ISG20: variants seen among roughly 807,000 people sequenced by gnomAD.
ISG20 encodes interferon-stimulated gene 20 kDa protein.
ISG20 carries 8 observed loss-of-function variants against 11.1 expected under a neutral mutation model. The ratio of observed to expected loss-of-function variants is 0.72; its 90% CI spans 0.42 to 1.30. The LOEUF (loss-of-function observed/expected upper bound fraction) is 1.30, where lower values mean the gene tolerates loss of function less well. Ranked by LOEUF, ISG20 falls within the 50% of genes most tolerant of loss-of-function variation. ISG20 has a pLI of 0.01. For missense variants in ISG20, 243 were observed against 250.2 expected, an observed-to-expected ratio of 0.97 and a Z score of 0.19; for synonymous variants, 110 against 101.7, an observed-to-expected ratio of 1.08 and a Z score of -0.49.
chr15:88,655,465 G>T lies in ISG20; in HGVS notation c.480G>T (p.Glu160Asp). 6.2e-7 allele frequency: 1 copy of T among 1,614,000 alleles called. No homozygotes were observed. Among genetic ancestry groups the T allele is most frequent in the Non-Finnish European group, 8.5e-7 (1 of 1,180,018 alleles). Residue 160 changes from glutamate (E) to aspartate (D), a missense_variant, in exon 4 of 4, where the codon GAG becomes GAT. Physicochemically the swap from Glu to Asp is conservative, Grantham distance 45. Transcript: ENST00000306072. ...SSVEDARATM[E>D]LYQISQRIRA... Reference sequence around the variant, plus strand: ...TGGAAGATGCGAGGGCAACGATGGAGCTCTATCAAATCTCCCAGAGAATCC... The same window carrying T: ...TGGAAGATGCGAGGGCAACGATGGATCTCTATCAAATCTCCCAGAGAATCC...
upstream of ISG20, among the ~76,000 whole-genome samples, chr15:88,637,024 G>C (rs1425033159): frequency 1.3e-5 from 2 of 152,218 alleles, no homozygotes; most frequent in Admixed American, 1.3e-4. Flanking sequence ...GGAAGTGTGG[G>C]AGGTGGGAAT....
Position 88,639,616 on chromosome 15 carries a change from A to T in ISG20, c.228+22A>T. 1 of 1,595,512 alleles carries T rather than the reference A, an allele frequency of 6.3e-7. No homozygotes were observed. Among genetic ancestry groups the T allele is most frequent in the East Asian group, 2.2e-5 (1 of 44,748 alleles). On this transcript the variant is annotated intron_variant, in intron 2 of 3. Coordinates refer to ENST00000306072, the MANE Select transcript of ISG20 (RefSeq NM_002201.6). This position sits in a 1 kb window ranked among gnomAD's most constrained non-coding sequence, Gnocchi z 4.2. ...AGAGGTGAGTGAAGGCCCGGCCAGCAGGGGCTTTGGAAATAACCCCTCTCC... is the reference window on the plus strand; with the variant it reads ...AGAGGTGAGTGAAGGCCCGGCCAGCTGGGGCTTTGGAAATAACCCCTCTCC...
At chr15:88,638,548 C>T (rs1196229991), upstream of ISG20, among the ~76,000 whole-genome samples, 2 of 152,204 alleles carry the variant, frequency 1.3e-5, no homozygotes, top group Non-Finnish European at 1.5e-5. Context: ...TAGCCACTCC[C>T]ACCACAAGTT....
chr15:88,644,567 GAGTC>G (rs1237489528), intron 2 of ISG20, among the ~76,000 whole-genome samples: 3 of 147,758 alleles, frequency 2.0e-5, no homozygotes, highest in African/African-American at 7.5e-5. Context: ...AAAAAAAAAA[GAGTC>G]AGAGGCCCTA....
chr15:88,654,826 C>T (rs921460725), intron 3 of ISG20, among the ~76,000 whole-genome samples: 1 of 152,168 alleles, frequency 6.6e-6, no homozygotes, highest in African/African-American at 2.4e-5. Flanking sequence ...CATAGCACTA[C>T]CCCATAAAGT....
intron 3 of ISG20, among the ~76,000 whole-genome samples, chr15:88,653,853 C>G (rs528076180): frequency 3.9e-4 from 60 of 152,308 alleles, no homozygotes; most frequent in African/African-American, 1.3e-3. Flanking sequence ...AAATAGCAGG[C>G]CTGTGGCTCC....
chr15:88,652,994 G>T (rs1442135750), intron 3 of ISG20, among the ~76,000 whole-genome samples: 1 of 152,006 alleles, frequency 6.6e-6, no homozygotes, highest in Admixed American at 6.5e-5. Flanking sequence ...GGCAAAGCAG[G>T]CAGGAAAAGG....
chr15:88,652,910 T>C (rs947604817), intron 3 of ISG20, among the ~76,000 whole-genome samples: 2 of 151,564 alleles, frequency 1.3e-5, no homozygotes, highest in Admixed American at 1.3e-4. Context: ...ACTGGGATAT[T>C]TGTACACCAG....
intron 2 of ISG20, 59 bp from the exon 3 acceptor site, chr15:88,652,051 C>A: frequency 6.2e-7 from 1 of 1,608,164 alleles, no homozygotes; most frequent in Non-Finnish European, 8.5e-7. Context: ...CTTGCCAGCC[C>A]CAGCCCCACC....
intron 2 of ISG20, among the ~76,000 whole-genome samples, chr15:88,641,742 C>T (rs2058084629): frequency 6.6e-6 from 1 of 152,110 alleles, no homozygotes; most frequent in Non-Finnish European, 1.5e-5. Flanking sequence ...AGTGATTCTC[C>T]TGCCTCAGCC....
upstream of ISG20, chr15:88,639,002 C>A: frequency 3.1e-6 from 1 of 320,744 alleles, no homozygotes; most frequent in Non-Finnish European, 5.9e-6. The surrounding 1 kb of genome is among the most constrained non-coding windows in gnomAD (Gnocchi z 4.2). Flanking sequence ...GATGAGTCAC[C>A]GCTGAGAGCA....
chr15:88,650,211 A>G lies in ISG20; in HGVS notation c.229-1899A>G, dbSNP rs749987209. On this transcript the variant is annotated intron_variant, in intron 2 of 3. Transcript: ENST00000306072. This position sits in a 1 kb window ranked among gnomAD's most constrained non-coding sequence, Gnocchi z 4.0. ...CACGAGCCGCCCCTTTCCCTAATAG[A>G]GCTCACATCTGTTCTATTTTCAGGT... 7 of 1,531,168 alleles carry G rather than the reference A, an allele frequency of 4.6e-6. No homozygotes were observed. The highest frequency in any genetic ancestry group is 6.1e-6 in the Non-Finnish European group (7 of 1,142,874). The allele number at this position is 1,531,168 out of a possible 1,614,324, so 94.8% of individuals were successfully genotyped here. A position where few individuals can be genotyped will look rare whatever the true frequency, so the allele number is the denominator to read the frequency against.
chr15:88,641,926 CTTTTTTTTTTTTTT>C (rs140178121), intron 2 of ISG20, among the ~76,000 whole-genome samples: 6 of 102,850 alleles, frequency 5.8e-5, no homozygotes, highest in South Asian at 3.6e-4. Flanking sequence ...TTAGCTTCCT[CTTTTTTTTTTTTTT>C]TTTTTTTTTT....
At position 88,652,214 on chromosome 15, in the gene ISG20, C is replaced by T. The variant is rs753388065; in HGVS notation, c.333C>T (p.Ser111=). 2.5e-6 allele frequency: 4 copies of T among 1,614,048 alleles called. No individual in the cohort carries two copies. The highest frequency in any genetic ancestry group is 2.2e-5 in the South Asian group (2 of 91,082). ...GCGGCTACACAATCTACGACACGTC[C>T]ACTGACAGGCTGTTGTGGCGTGAGG... is the stretch of plus-strand genomic sequence containing the variant. ...DMSGYTIYDT[S]TDRLLWREAK... Residue 111 remains serine, a synonymous_variant, in exon 3 of 4, where the codon TCC becomes TCT. Coordinates refer to ENST00000306072, the MANE Select transcript of ISG20 (RefSeq NM_002201.6).
In ISG20 at chr15:88,639,661, C is replaced by T; in HGVS notation, c.228+67C>T. ...CTCTCCCACTTCCCTGGCCCCTCTTCCCTGGTGCCCATCTGTGACCTGTGA... is the reference window on the plus strand; with the variant it reads ...CTCTCCCACTTCCCTGGCCCCTCTTTCCTGGTGCCCATCTGTGACCTGTGA... On this transcript the variant is annotated intron_variant, in intron 2 of 3. Transcript: ENST00000306072. The surrounding 1 kb of genome is among the most constrained non-coding windows in gnomAD (Gnocchi z 4.2). 3 of 1,270,616 alleles carry T rather than the reference C, an allele frequency of 2.4e-6. No homozygotes were observed. The highest frequency in any genetic ancestry group is 3.4e-6 in the Non-Finnish European group (3 of 885,704). 78.7% of individuals were successfully genotyped at this position (1,270,616 alleles called of 1,614,324 possible).
At chr15:88,653,202 T>G (rs574133985) in intron 3 of ISG20, among the ~76,000 whole-genome samples, 90 of 152,044 alleles carry the variant, frequency 5.9e-4, no homozygotes, top group African/African-American at 2.1e-3. Context: ...CTTGGTTGGT[T>G]GGGAGGTGGC....
intron 2 of ISG20, among the ~76,000 whole-genome samples, chr15:88,646,083 GCACACT>G (rs930187161): frequency 1.3e-4 from 20 of 152,248 alleles, no homozygotes; most frequent in African/African-American, 4.6e-4. Context: ...CAGGGAGCAA[GCACACT>G]GTCTTTAGAT....
At chr15:88,642,936 GAGAC>G (rs2058107219) in intron 2 of ISG20, among the ~76,000 whole-genome samples, 1 of 149,728 alleles carries the variant, frequency 6.7e-6, no homozygotes, top group Non-Finnish European at 1.5e-5. Context: ...ATTTAAAAAA[GAGAC>G]AGGCCAGATG....
Position 88,655,611 on chromosome 15 carries a change from AT to A in ISG20, c.*85del. The A allele has an allele frequency of 1.1e-6, 1 of 933,076 alleles. No homozygotes were observed. Among genetic ancestry groups the A allele is most frequent in the Non-Finnish European group, 1.7e-6 (1 of 601,390 alleles). 57.8% of individuals were successfully genotyped at this position (933,076 alleles called of 1,614,324 possible). A position where few individuals can be genotyped will look rare whatever the true frequency, so the allele number is the denominator to read the frequency against. ...CAACTACCTTGCTTTTGGAAAATACATTTTTAATAGTAAAGTGGCTCTATAT... is the reference window on the plus strand; with the variant it reads ...CAACTACCTTGCTTTTGGAAAATACATTTTAATAGTAAAGTGGCTCTATAT... On this transcript the variant is annotated 3_prime_UTR_variant, in exon 4 of 4. Coordinates refer to ENST00000306072, the MANE Select transcript of ISG20 (RefSeq NM_002201.6).
Sources: gnomAD v4.1 joint callset for allele counts (sites outside exome capture counted in the v4.1 genomes callset) on GRCh38, gnomAD v4.1.1 for gene constraint, Gnocchi (gnomAD v3.1) non-coding constraint, MANE v1.5 for transcripts, NCBI Gene and HGNC (gene_info 2026-07-23, HGNC 2026-07-21) for gene names.